Variants in PIWIL2 observed in about 807,000 individuals in gnomAD.
The protein encoded by PIWIL2 is piwi-like protein 2.
A neutral mutation model predicts 116.5 loss-of-function variants in PIWIL2; 81 were observed. The ratio of observed to expected loss-of-function variants is 0.70; its 90% CI spans 0.58 to 0.84. The LOEUF is 0.84. PIWIL2 is among the 40% of genes least tolerant of loss of function. PIWIL2 has a pLI of 0.00. For missense variants in PIWIL2, 1,272 were observed against 1,212.3 expected (o/e 1.05, Z -0.73); for synonymous variants, 489 against 429.5 (o/e 1.14, Z -1.71).
chr8:22,305,700 T>G (rs558511172), intron 12 of PIWIL2, among the ~76,000 whole-genome samples: 18 of 152,264 alleles, frequency 1.2e-4, no homozygotes, highest in African/African-American at 3.9e-4. Context: ...TTTGACAGTT[T>G]TAGTATTTTT....
intron 15 of PIWIL2, 143 bp from the exon 16 acceptor site, chr8:22,310,969 C>T (rs779741399): frequency 1.5e-4 from 99 of 682,570 alleles, no homozygotes; most frequent in Non-Finnish European, 2.2e-4. Flanking sequence ...TTATCATGTA[C>T]GTTCATGTTA....
In PIWIL2 at chr8:22,287,621, C is replaced by G; in HGVS notation, c.837C>G (p.Leu279=). 6.2e-7 allele frequency: 1 copy of G among 1,608,068 alleles called. No homozygotes were observed. ...TCACTGCGTTTGATGGATCTATTCT[C>G]TATCTGCCTGTTAAGCTTCAACAAG... The part of the protein sequence containing the change: ...GNVTAFDGSI[L]YLPVKLQQVL... Residue 279 remains leucine (L), a synonymous_variant, in exon 7 of 23, where the codon CTC becomes CTG. Transcript: ENST00000356766.
intron 19 of PIWIL2, among the ~76,000 whole-genome samples, chr8:22,317,896 C>T (rs755383859): frequency 6.6e-6 from 1 of 152,046 alleles, no homozygotes; most frequent in African/African-American, 2.4e-5. Flanking sequence ...CTCCTGACCT[C>T]GTGATCTGTC....
At chr8:22,304,760 T>C (rs763895145) in intron 11 of PIWIL2, 24 bp from the exon 12 acceptor site, 2 of 1,492,138 alleles carry the variant, frequency 1.3e-6, no homozygotes, top group Non-Finnish European at 1.9e-6. Flanking sequence ...TCTGAAATTT[T>C]TTCCTGCCTC....
intron 20 of PIWIL2, among the ~76,000 whole-genome samples, chr8:22,347,213 AT>A (rs35121396): frequency 0.016 from 2,108 of 135,152 alleles, 14 homozygotes; most frequent in Non-Finnish European, 0.022. Flanking sequence ...CATTAACATA[AT>A]TTTTTTTTTT....
chr8:22,280,632 A>T (rs781024754), intron 2 of PIWIL2, among the ~76,000 whole-genome samples: 5 of 152,342 alleles, frequency 3.3e-5, no homozygotes, highest in Non-Finnish European at 7.3e-5. Flanking sequence ...AGTAGTAGAC[A>T]TTCAAGACTG....
In PIWIL2 at chr8:22,357,322, C is replaced by G. The variant is rs1832509052; in HGVS notation, c.*1817C>G. 1 of 152,168 alleles carries G rather than the reference C, an allele frequency of 6.6e-6. No individual in the cohort carries two copies. The highest frequency in any genetic ancestry group is 6.5e-5 in the Admixed American group (1 of 15,274). The allele number at this position is 152,168 out of a possible 1,614,324, so 9.4% of individuals were successfully genotyped here. A position where few individuals can be genotyped will look rare whatever the true frequency, so the allele number is the denominator to read the frequency against. ...AATTTAAAAACCACAGAATCAAACA[C>G]TGTGAACCACTGGTCTCTGGCTAAG... On this transcript the variant is annotated 3_prime_UTR_variant, in exon 23 of 23. Coordinates refer to ENST00000356766, the MANE Select transcript of PIWIL2 (RefSeq NM_018068.5).
At chr8:22,330,697 A>AAAATAAGTAAAT (rs1554504111) in intron 20 of PIWIL2, among the ~76,000 whole-genome samples, 2 of 137,132 alleles carry the variant, frequency 1.5e-5, no homozygotes, top group African/African-American at 5.2e-5. Context: ...ACTCTGTCTC[A>AAAATAAGTAAAT]AAATAAATAA....
chr8:22,288,167 A>G (rs926506022), intron 7 of PIWIL2, among the ~76,000 whole-genome samples: 2 of 152,090 alleles, frequency 1.3e-5, no homozygotes, highest in Non-Finnish European at 2.9e-5. Flanking sequence ...GCATGGTGGC[A>G]GGCGCCTGTA....
At chr8:22,298,792 G>A (rs1830974425) in intron 10 of PIWIL2, among the ~76,000 whole-genome samples, 1 of 152,230 alleles carries the variant, frequency 6.6e-6, no homozygotes, top group Non-Finnish European at 1.5e-5. Flanking sequence ...TTGCAGACTT[G>A]CAGATGGACA....
chr8:22,326,585 T>C (rs151221604), intron 20 of PIWIL2, among the ~76,000 whole-genome samples: 2 of 152,358 alleles, frequency 1.3e-5, no homozygotes, highest in Non-Finnish European at 2.9e-5. Flanking sequence ...TATTGTAGAG[T>C]AATTTTAAAA....
At chr8:22,279,636 G>T in intron 2 of PIWIL2, 52 bp downstream of exon 2, 1 of 1,498,688 alleles carries the variant, frequency 6.7e-7, no homozygotes. Flanking sequence ...CCTGTGTGCC[G>T]TCAGAGGAAG....
chr8:22,296,045 TTTTTTTTTTTTTTG>T (rs1830895846), intron 10 of PIWIL2, among the ~76,000 whole-genome samples: 1 of 115,236 alleles, frequency 8.7e-6, no homozygotes, highest in Non-Finnish European at 1.8e-5. Context: ...TTTTTTTTTT[TTTTTTTTTTTTTTG>T]TTGTTGTTGT....
At chr8:22,301,404 A>C (rs558810267) in intron 10 of PIWIL2, among the ~76,000 whole-genome samples, 3 of 151,482 alleles carry the variant, frequency 2.0e-5, no homozygotes, top group Admixed American at 6.6e-5. Context: ...GCTGATTCTC[A>C]TGCCTTGGCC....
chr8:22,291,500 G>A (rs1436557953), intron 10 of PIWIL2, among the ~76,000 whole-genome samples: 1 of 152,232 alleles, frequency 6.6e-6, no homozygotes, highest in East Asian at 1.9e-4. Flanking sequence ...TTACACATAA[G>A]TCTGTACATC....
intron 20 of PIWIL2, among the ~76,000 whole-genome samples, chr8:22,343,595 C>T (rs1341678098): frequency 6.6e-6 from 1 of 152,202 alleles, no homozygotes; most frequent in Non-Finnish European, 1.5e-5. Context: ...GAGACTCCGT[C>T]TCAAAAATAG....
chr8:22,301,419 G>A (rs1831046198), intron 10 of PIWIL2, among the ~76,000 whole-genome samples: 1 of 152,022 alleles, frequency 6.6e-6, no homozygotes, highest in Non-Finnish European at 1.5e-5. Context: ...TTGGCCTCCT[G>A]AGTAGCTGGG....
At chr8:22,307,707 G>A (rs923377546) in intron 13 of PIWIL2, among the ~76,000 whole-genome samples, 4 of 151,376 alleles carry the variant, frequency 2.6e-5, no homozygotes, top group South Asian at 4.2e-4. Flanking sequence ...TGTTGGTCTC[G>A]AACACCTGGG....
intron 1 of PIWIL2, among the ~76,000 whole-genome samples, chr8:22,277,028 T>C (rs1830390812): frequency 7.1e-6 from 1 of 141,334 alleles, no homozygotes; most frequent in African/African-American, 2.9e-5. Context: ...GATATATATA[T>C]ATATATTTTT....
Sources: allele counts gnomAD v4.1 joint callset (sites outside exome capture counted in the v4.1 genomes callset), GRCh38; gene constraint gnomAD v4.1.1; transcripts MANE v1.5; gene names NCBI Gene and HGNC (gene_info 2026-07-23, HGNC 2026-07-21).